Variants in TRPS1 observed in about 807,000 individuals in gnomAD.
TRPS1 encodes the protein zinc finger transcription factor Trps1.
A neutral mutation model predicts 101.2 loss-of-function variants in TRPS1; 6 were observed. The observed-to-expected ratio is 0.06, with a 90% CI of 0.03 to 0.12. The LOEUF is 0.12. Ranked by LOEUF, TRPS1 falls within the 10% of genes least tolerant of loss-of-function variation. TRPS1 has a pLI of 1.00. For synonymous variants in TRPS1, 578 were observed against 589.8 expected (o/e 0.98, Z 0.29); for missense variants, 1,363 against 1,567.0 (o/e 0.87, Z 2.20).
intron 1 of TRPS1, among the ~76,000 whole-genome samples, chr8:115,667,472 C>A (rs568291734): frequency 6.6e-6 from 1 of 152,218 alleles, no homozygotes; most frequent in Non-Finnish European, 1.5e-5. Context: ...GAAGGCAAAG[C>A]GTCTGTCCGC....
chr8:115,535,669 GGCTA>G (rs1404606929), intron 5 of TRPS1, among the ~76,000 whole-genome samples: 1 of 150,422 alleles, frequency 6.6e-6, no homozygotes, highest in Non-Finnish European at 1.5e-5. Context: ...AGACCATCCT[GGCTA>G]ACACGGTGAA....
At chr8:115,600,083 G>C (rs1397794396) in intron 4 of TRPS1, among the ~76,000 whole-genome samples, 1 of 152,170 alleles carries the variant, frequency 6.6e-6, no homozygotes, top group Non-Finnish European at 1.5e-5. Flanking sequence ...TTTCTCTAAT[G>C]ATCAGTGGTG....
In TRPS1 at chr8:115,429,220, C is replaced by T. The variant is rs538594931; in HGVS notation, c.2701-10768G>A. On this transcript the variant is annotated intron_variant, in intron 5 of 6. Coordinates refer to ENST00000395715, the MANE Select transcript of TRPS1 (RefSeq NM_014112.5). ...TGCCCCGTCAAATAGCTCACGTACA[C>T]GACTTCCTTTTCAATTACCAACTTG... is the stretch of plus-strand genomic sequence containing the variant. Among the ~76,000 whole-genome samples the T allele has an allele frequency of 5.2e-4, 79 of 152,302 alleles. 1 individual carries two copies. The highest frequency in any genetic ancestry group is 1.9e-3 in the African/African-American group (77 of 41,560).
intron 1 of TRPS1, among the ~76,000 whole-genome samples, chr8:115,652,922 G>A (rs1435218409): frequency 1.3e-5 from 2 of 152,172 alleles, no homozygotes; most frequent in Non-Finnish European, 2.9e-5. Context: ...ATACAGTTAA[G>A]TGTATACTGA....
intron 3 of TRPS1, among the ~76,000 whole-genome samples, chr8:115,610,014 T>C (rs1290693821): frequency 6.6e-6 from 1 of 152,130 alleles, no homozygotes; most frequent in East Asian, 1.9e-4. Context: ...CAAAGGAAAA[T>C]ATTTCTTAAA....
intron 5 of TRPS1, among the ~76,000 whole-genome samples, chr8:115,486,758 G>A (rs1814890164): frequency 6.6e-6 from 1 of 152,218 alleles, no homozygotes; most frequent in Non-Finnish European, 1.5e-5. Context: ...TCTGAGAGAG[G>A]TGAGGAAGCT....
intron 5 of TRPS1, among the ~76,000 whole-genome samples, chr8:115,466,821 A>G (rs917871030): frequency 2.0e-5 from 3 of 152,090 alleles, no homozygotes; most frequent in African/African-American, 7.2e-5. Context: ...AACTTTCATA[A>G]TATTTTGACA....
At chr8:115,661,298 T>G (rs1811790022) in intron 1 of TRPS1, among the ~76,000 whole-genome samples, 1 of 152,078 alleles carries the variant, frequency 6.6e-6, no homozygotes, top group Non-Finnish European at 1.5e-5. Context: ...TCATGTTAAC[T>G]CCTTAAAAGA....
intron 3 of TRPS1, among the ~76,000 whole-genome samples, chr8:115,609,197 C>A (rs909258106): frequency 6.6e-6 from 1 of 152,072 alleles, no homozygotes; most frequent in Non-Finnish European, 1.5e-5. Flanking sequence ...AGATAGCACA[C>A]TCAACAGTAA....
intron 5 of TRPS1, among the ~76,000 whole-genome samples, chr8:115,585,070 G>A (rs1817534018): frequency 6.6e-6 from 1 of 152,038 alleles, no homozygotes; most frequent in Non-Finnish European, 1.5e-5. Context: ...TACAGCCTTT[G>A]AAGATAATAA....
chr8:115,468,229 G>A (rs909152640), intron 5 of TRPS1, among the ~76,000 whole-genome samples: 3 of 152,066 alleles, frequency 2.0e-5, no homozygotes, highest in African/African-American at 7.2e-5. Context: ...GTTTATTTCT[G>A]ACAAATCATC....
At chr8:115,650,474 T>C (rs1434406897) in intron 1 of TRPS1, among the ~76,000 whole-genome samples, 2 of 152,250 alleles carry the variant, frequency 1.3e-5, no homozygotes, top group African/African-American at 4.8e-5. Context: ...AGATTGGGAA[T>C]GTACAATAAT....
intron 5 of TRPS1, among the ~76,000 whole-genome samples, chr8:115,502,347 C>G (rs1455183268): frequency 6.6e-6 from 1 of 152,208 alleles, no homozygotes; most frequent in Non-Finnish European, 1.5e-5. Flanking sequence ...CCCTAATAAG[C>G]CTTAACTTCA....
intron 5 of TRPS1, among the ~76,000 whole-genome samples, chr8:115,429,575 A>C (rs1813270513): frequency 1.3e-5 from 2 of 152,130 alleles, no homozygotes; most frequent in Admixed American, 1.3e-4. Context: ...AGTCATCCGT[A>C]CCAAAAGGAA....
intron 4 of TRPS1, among the ~76,000 whole-genome samples, chr8:115,596,847 T>C (rs1400066689): frequency 1.3e-5 from 2 of 151,884 alleles, no homozygotes; most frequent in South Asian, 4.1e-4. Context: ...ACATGAAAAT[T>C]TGTATAGTTT....
intron 5 of TRPS1, among the ~76,000 whole-genome samples, chr8:115,456,817 G>T (rs1814038175): frequency 6.6e-6 from 1 of 151,900 alleles, no homozygotes; most frequent in Admixed American, 6.6e-5. Flanking sequence ...TAGACCATCT[G>T]GGGTTCAAAA....
intron 5 of TRPS1, among the ~76,000 whole-genome samples, chr8:115,457,154 AAC>A (rs1218884206): frequency 1.3e-5 from 2 of 152,204 alleles, no homozygotes; most frequent in Non-Finnish European, 2.9e-5. Flanking sequence ...GTGCACCAAA[AAC>A]AGTTTTGATA....
Position 115,585,681 on chromosome 8 carries a change from T to C in TRPS1, c.2700+1320A>G, listed in dbSNP as rs186436856. Among the ~76,000 whole-genome samples the C allele has an allele frequency of 7.7e-4, 118 of 152,278 alleles. 1 individual carries two copies. The highest frequency in any genetic ancestry group is 2.8e-3 in the African/African-American group (116 of 41,562). On this transcript the variant is annotated intron_variant, in intron 5 of 6. Coordinates refer to ENST00000395715, the MANE Select transcript of TRPS1 (RefSeq NM_014112.5). The stretch of plus-strand genomic sequence containing the variant: ...ATTCACTGGAGGGGAGTTCCCTAAA[T>C]TGAACCCCCTCTTGAAGGGCACAGA...
At chr8:115,491,447 TGA>T (rs770658566) in intron 5 of TRPS1, among the ~76,000 whole-genome samples, 6 of 152,142 alleles carry the variant, frequency 3.9e-5, no homozygotes, top group Non-Finnish European at 7.4e-5. Context: ...GGCTTAAACC[TGA>T]GAGTCTTCCC....
Sources: allele counts gnomAD v4.1 joint callset (sites outside exome capture counted in the v4.1 genomes callset), GRCh38; gene constraint gnomAD v4.1.1; transcripts MANE v1.5; gene names NCBI Gene and HGNC (gene_info 2026-07-23, HGNC 2026-07-21).